The following GNA12 variants were observed in gnomAD, a reference collection of about 807,000 sequenced individuals.
GNA12 encodes guanine nucleotide-binding protein subunit alpha-12.
A neutral mutation model predicts 26.0 loss-of-function variants in GNA12; 9 were observed. The ratio of observed to expected loss-of-function variants is 0.35; its 90% CI spans 0.21 to 0.60. The LOEUF (loss-of-function observed/expected upper bound fraction) is 0.60, where lower values mean the gene tolerates loss of function less well. Among genes scored for constraint, GNA12 ranks in the 20% least tolerant of loss-of-function variants. GNA12 has a pLI of 0.78. For missense variants in GNA12, 405 were observed against 525.8 expected, an observed-to-expected ratio of 0.77 and a Z score of 2.25; for synonymous variants, 264 against 219.6, an observed-to-expected ratio of 1.20 and a Z score of -1.79.
Position 2,762,638 on chromosome 7 carries a change from G to A in GNA12, c.526-29137C>T, listed in dbSNP as rs1314997173. On this transcript the variant is annotated intron_variant, in intron 2 of 3. Transcript: ENST00000275364. ...CCGGATAAGACCCCAATGCCATGAA[G>A]CACAGAGCGGCAGGACGATGAGAGG... is the stretch of plus-strand genomic sequence containing the variant. The A allele has an allele frequency of 3.1e-6, 5 of 1,593,466 alleles. No individual in the cohort carries two copies. The Admixed American group carries it at 5.2e-5, about 17-fold the overall frequency.
chr7:2,773,572 A>T (rs1001163402), intron 2 of GNA12, among the ~76,000 whole-genome samples: 2 of 152,090 alleles, frequency 1.3e-5, no homozygotes, highest in African/African-American at 4.8e-5. Flanking sequence ...AAAAATAAAC[A>T]AACAAACAAA....
At chr7:2,811,395 G>A (rs935477996) in intron 1 of GNA12, among the ~76,000 whole-genome samples, 1 of 152,236 alleles carries the variant, frequency 6.6e-6, no homozygotes, top group Non-Finnish European at 1.5e-5. Flanking sequence ...CAGAACTCTA[G>A]TTTCCCAGCC....
chr7:2,817,892 G>T (rs2115491722), intron 1 of GNA12, among the ~76,000 whole-genome samples: 1 of 152,162 alleles, frequency 6.6e-6, no homozygotes, highest in South Asian at 2.1e-4. Context: ...CCTCCCTTTA[G>T]TTTTATTTTT....
intron 1 of GNA12, among the ~76,000 whole-genome samples, chr7:2,841,151 TTTTC>T (rs1156777223): frequency 1.3e-5 from 2 of 152,050 alleles, no homozygotes; most frequent in Non-Finnish European, 2.9e-5. Flanking sequence ...AGTTTTCTTT[TTTTC>T]TTTTTCTTTT....
intron 1 of GNA12, among the ~76,000 whole-genome samples, chr7:2,842,254 G>A (rs1474697985): frequency 5.3e-5 from 8 of 152,068 alleles, no homozygotes; most frequent in African/African-American, 1.9e-4. Flanking sequence ...CTTCCTTGAG[G>A]CCCTTTAACA....
intron 1 of GNA12, chr7:2,835,781 G>A (rs772418395): frequency 2.1e-5 from 15 of 722,708 alleles, no homozygotes; most frequent in Admixed American, 5.8e-5. Context: ...GAAGATGCTC[G>A]TGACGGTACC....
intron 2 of GNA12, chr7:2,762,939 C>A (rs1791636763): frequency 1.4e-6 from 2 of 1,380,916 alleles, no homozygotes; most frequent in East Asian, 5.8e-5. Context: ...CCCAGACACT[C>A]CCGTGGGGCC....
intron 2 of GNA12, among the ~76,000 whole-genome samples, chr7:2,744,912 G>A (rs1321121040): frequency 6.6e-6 from 1 of 152,064 alleles, no homozygotes; most frequent in Non-Finnish European, 1.5e-5. Context: ...TGGAAGAAAG[G>A]GTATAAGTGA....
chr7:2,793,649 G>A (rs367612184), intron 2 of GNA12, among the ~76,000 whole-genome samples: 42 of 152,176 alleles, frequency 2.8e-4, no homozygotes, highest in East Asian at 5.8e-4. Flanking sequence ...TTGGGAGGCC[G>A]AGGCGGGTGG....
chr7:2,814,508 A>T, intron 1 of GNA12: 1 of 725,132 alleles, frequency 1.4e-6, no homozygotes, highest in Non-Finnish European at 2.4e-6. Flanking sequence ...ACAAACCAAG[A>T]CTTTGAGGAA....
intron 2 of GNA12, among the ~76,000 whole-genome samples, chr7:2,737,686 T>A (rs921920512): frequency 2.0e-5 from 3 of 152,190 alleles, no homozygotes; most frequent in Non-Finnish European, 2.9e-5. Flanking sequence ...AATGGTGAGC[T>A]AGAGGATTCC....
At chr7:2,839,282 A>G (rs927382573) in intron 1 of GNA12, among the ~76,000 whole-genome samples, 1 of 152,022 alleles carries the variant, frequency 6.6e-6, no homozygotes, top group African/African-American at 2.4e-5. Flanking sequence ...CGCCCAGGAT[A>G]AAGTGCAGTG....
intron 1 of GNA12, chr7:2,814,323 G>C (rs778414184): frequency 2.5e-6 from 4 of 1,571,320 alleles, no homozygotes; most frequent in Non-Finnish European, 3.5e-6. Flanking sequence ...CTGGACCCAG[G>C]GTGTGCAATG....
chr7:2,821,685 G>A (rs893779871), intron 1 of GNA12, among the ~76,000 whole-genome samples: 2 of 152,214 alleles, frequency 1.3e-5, no homozygotes, highest in African/African-American at 4.8e-5. Context: ...GCAAGACAGT[G>A]ATGAACAATG....
intron 2 of GNA12, among the ~76,000 whole-genome samples, chr7:2,786,680 C>T (rs984569745): frequency 2.0e-5 from 3 of 152,216 alleles, no homozygotes; most frequent in African/African-American, 7.2e-5. Flanking sequence ...CTTTAGTTTT[C>T]ACTAATTAAA....
chr7:2,733,543 G>GCTGT, intron 2 of GNA12, 42 bp from the exon 3 acceptor site: 2 of 1,521,742 alleles, frequency 1.3e-6, no homozygotes, highest in Non-Finnish European at 1.8e-6. Context: ...TCTGGACTGA[G>GCTGT]GAATCCTGAT....
chr7:2,748,260 T>C (rs1233778933), intron 2 of GNA12, among the ~76,000 whole-genome samples: 1 of 151,884 alleles, frequency 6.6e-6, no homozygotes, highest in Non-Finnish European at 1.5e-5. Context: ...CTTCAAACTA[T>C]ACTACAAGGC....
rs917935388 is a variant in GNA12, at chr7:2,730,870, G to A, written c.*311C>T. 2.1e-5 allele frequency: 7 copies of A among 325,956 alleles called. No individual in the cohort carries two copies. Among genetic ancestry groups the A allele is most frequent in the Non-Finnish European group, 4.1e-5 (7 of 171,848 alleles). The allele number at this position is 325,956 out of a possible 1,614,324, so 20.2% of individuals were successfully genotyped here. On this transcript the variant is annotated 3_prime_UTR_variant, in exon 4 of 4. Transcript: ENST00000275364. ...ACAACACGGTCCTCAATTAAACTGC[G>A]TCAGAAAAAGAGGAACGTTTCTGTA...
Position 2,795,020 on chromosome 7 carries a change from C to T in GNA12, c.433G>A (p.Ala145Thr), listed in dbSNP as rs1212952961. 2 of 1,614,174 alleles carry T rather than the reference C, an allele frequency of 1.2e-6. No homozygotes were observed. The highest frequency in any genetic ancestry group is 1.7e-6 in the Non-Finnish European group (2 of 1,180,014). ...ENKAGLPVEP[A>T]TFQLYVPALS... The stretch of plus-strand genomic sequence containing the variant: ...GCCGGGACGTACAGCTGGAAGGTGG[C>T]CGGCTCCACAGGCAGCCCCGCCTTG... The change falls in exon 2 of 4, where the codon GCC becomes ACC. Residue 145 changes from alanine (A) to threonine (T), a missense_variant. Coordinates refer to ENST00000275364, the MANE Select transcript of GNA12 (RefSeq NM_007353.3).
Sources: gnomAD v4.1 joint callset for allele counts (sites outside exome capture counted in the v4.1 genomes callset) on GRCh38, gnomAD v4.1.1 for gene constraint, MANE v1.5 for transcripts, NCBI Gene and HGNC (gene_info 2026-07-23, HGNC 2026-07-21) for gene names.